AGBL1: variants seen among roughly 807,000 people sequenced by gnomAD.
The protein encoded by AGBL1 is AGBL carboxypeptidase 1.
AGBL1 carries 130 observed loss-of-function variants against 118.9 expected under a neutral mutation model. That is an observed-to-expected ratio of 1.09 (90% CI 0.95 to 1.26). AGBL1 has a LOEUF of 1.26. Ranked by LOEUF, AGBL1 falls within the 50% of genes most tolerant of loss-of-function variation. The pLI, the probability that AGBL1 is intolerant of heterozygous loss-of-function variation, is 0.00. For synonymous variants in AGBL1, 555 were observed against 478.9 expected (o/e 1.16, Z -2.08); for missense variants, 1,584 against 1,298.1 (o/e 1.22, Z -3.38).
At chr15:86,410,836 ATATAT>A (rs1567242853) in intron 18 of AGBL1, among the ~76,000 whole-genome samples, 11 of 107,534 alleles carry the variant, frequency 1.0e-4, no homozygotes, top group African/African-American at 4.5e-4. Context: ...ATATATATAT[ATATAT>A]AATATACTAT....
At chr15:86,263,792 T>A (rs888877950) in intron 10 of AGBL1, among the ~76,000 whole-genome samples, 3 of 152,188 alleles carry the variant, frequency 2.0e-5, no homozygotes, top group African/African-American at 7.2e-5. Flanking sequence ...TTTGCCTACA[T>A]CTAAGGGTAT....
intron 17 of AGBL1, among the ~76,000 whole-genome samples, chr15:86,344,968 CATAA>C (rs1287392734): frequency 6.6e-6 from 1 of 152,046 alleles, no homozygotes; most frequent in Non-Finnish European, 1.5e-5. Context: ...AACAGAGGAA[CATAA>C]TTTTCCTACA....
chr15:86,111,691 G>T (rs556405150), intron 1 of AGBL1, among the ~76,000 whole-genome samples: 8 of 152,186 alleles, frequency 5.3e-5, no homozygotes, highest in Non-Finnish European at 8.8e-5. Context: ...CAAAAGGCAT[G>T]CTCTTACTTG....
intron 18 of AGBL1, among the ~76,000 whole-genome samples, chr15:86,464,492 G>A (rs1014949414): frequency 6.6e-6 from 1 of 152,206 alleles, no homozygotes; most frequent in Admixed American, 6.5e-5. Context: ...TAGGAGTGGT[G>A]ATAGAGGGCA....
At chr15:86,213,900 A>G (rs1258399097) in intron 5 of AGBL1, among the ~76,000 whole-genome samples, 1 of 152,156 alleles carries the variant, frequency 6.6e-6, no homozygotes, top group Non-Finnish European at 1.5e-5. Context: ...GTCTGTAATC[A>G]TTAAGCAATA....
intron 23 of AGBL1, among the ~76,000 whole-genome samples, chr15:86,971,463 A>G (rs1034266675): frequency 3.3e-5 from 5 of 151,944 alleles, no homozygotes; most frequent in African/African-American, 1.2e-4. Context: ...ATATTGCCTC[A>G]TTTATACTAT....
chr15:86,768,506 T>A (rs943421748), intron 22 of AGBL1, among the ~76,000 whole-genome samples: 1 of 151,942 alleles, frequency 6.6e-6, no homozygotes, highest in Admixed American at 6.6e-5. Flanking sequence ...GCATTTGCTC[T>A]GGTGTAAGGG....
chr15:86,201,779 T>C (rs758034782), intron 5 of AGBL1, among the ~76,000 whole-genome samples: 2 of 152,190 alleles, frequency 1.3e-5, no homozygotes, highest in African/African-American at 2.4e-5. Context: ...AAATCATTTA[T>C]GTGGAGCTTC....
chr15:86,508,444 C>CA (rs756166092), intron 18 of AGBL1, among the ~76,000 whole-genome samples: 15 of 152,016 alleles, frequency 9.9e-5, no homozygotes, highest in Non-Finnish European at 2.2e-4. Flanking sequence ...AGACTTTTTC[C>CA]AGGAAACCTA....
chr15:86,697,464 G>A (rs940480251), intron 22 of AGBL1, among the ~76,000 whole-genome samples: 7 of 149,470 alleles, frequency 4.7e-5, no homozygotes, highest in African/African-American at 1.7e-4. Context: ...TTTTATTTAT[G>A]CTATTTCACT....
intron 21 of AGBL1, among the ~76,000 whole-genome samples, chr15:86,641,750 C>T (rs1156249165): frequency 6.6e-6 from 1 of 151,984 alleles, no homozygotes; most frequent in African/African-American, 2.4e-5. Context: ...GACTCCGTTT[C>T]TGAATTTCAA....
chr15:86,962,464 T>TC (rs1337924521), intron 23 of AGBL1, among the ~76,000 whole-genome samples: 3 of 151,972 alleles, frequency 2.0e-5, no homozygotes, highest in African/African-American at 7.2e-5. Flanking sequence ...AAGAAAAAAA[T>TC]CTCTTTTTAC....
intron 1 of AGBL1, among the ~76,000 whole-genome samples, chr15:86,116,893 C>T (rs897487996): frequency 2.0e-5 from 3 of 152,074 alleles, no homozygotes; most frequent in African/African-American, 4.8e-5. Flanking sequence ...AACCCTAATA[C>T]AGTTGGTAAC....
intron 23 of AGBL1, among the ~76,000 whole-genome samples, chr15:86,935,824 G>A (rs2080666266): frequency 6.6e-6 from 1 of 152,230 alleles, no homozygotes; most frequent in African/African-American, 2.4e-5. Context: ...TTAAAGGGCA[G>A]CTATGATTAG....
chr15:86,578,385 T>C (rs932806878), intron 21 of AGBL1, among the ~76,000 whole-genome samples: 23 of 152,326 alleles, frequency 1.5e-4, no homozygotes, highest in African/African-American at 5.5e-4. Context: ...AGGAGGTAAC[T>C]AACTTGCTTT....
At chr15:86,160,958 A>C (rs2077259777) in intron 5 of AGBL1, among the ~76,000 whole-genome samples, 3 of 152,180 alleles carry the variant, frequency 2.0e-5, no homozygotes, top group South Asian at 2.1e-4. Flanking sequence ...GGGAGAAATC[A>C]ACAAAGCATA....
intron 17 of AGBL1, among the ~76,000 whole-genome samples, chr15:86,364,227 C>T (rs2141927517): frequency 6.6e-6 from 1 of 152,292 alleles, no homozygotes; most frequent in South Asian, 2.1e-4. Context: ...GGACCCAGCT[C>T]TCCACATACT....
intron 22 of AGBL1, among the ~76,000 whole-genome samples, chr15:86,895,037 T>A (rs2080102628): frequency 6.6e-6 from 1 of 152,100 alleles, no homozygotes; most frequent in African/African-American, 2.4e-5. Flanking sequence ...TTCATATCCA[T>A]CCCCTTTTGT....
rs2080646333 is a variant in AGBL1, at chr15:86,934,749, G to A, written c.3222-53238G>A. Among the ~76,000 whole-genome samples the A allele has an allele frequency of 2.6e-5, 4 of 152,278 alleles. No individual in the cohort carries two copies. The South Asian group carries it at 8.3e-4, about 32-fold the overall frequency. On this transcript the variant is annotated intron_variant, in intron 23 of 24. Transcript: ENST00000441037. ...ACACAATAAATGTTGCCTTTTAATA[G>A]TGTAGTTATTTATTATTGTGGTTAC...
Sources: allele counts gnomAD v4.1 joint callset (sites outside exome capture counted in the v4.1 genomes callset), GRCh38; gene constraint gnomAD v4.1.1; transcripts MANE v1.5; gene names NCBI Gene and HGNC (gene_info 2026-07-23, HGNC 2026-07-21).